The following CSMD2 variants were observed in gnomAD, a reference collection of about 807,000 sequenced individuals.
The protein encoded by CSMD2 is CUB and sushi domain-containing protein 2.
In CSMD2, 130 loss-of-function variants were observed where a neutral mutation model predicts 398.5. The observed-to-expected ratio is 0.33, with a 90% confidence interval of 0.28 to 0.38. The LOEUF (loss-of-function observed/expected upper bound fraction) is 0.38, where lower values mean the gene tolerates loss of function less well. Ranked by LOEUF, CSMD2 falls within the 10% of genes least tolerant of loss-of-function variation. CSMD2 has a pLI of 1.00. For missense variants in CSMD2, 3,829 were observed against 4,764.9 expected, an observed-to-expected ratio of 0.80 and a Z score of 5.78; for synonymous variants, 1,828 against 1,908.5, an observed-to-expected ratio of 0.96 and a Z score of 1.10.
chr1:33,942,943 T>C (rs982080441), intron 3 of CSMD2, among the ~76,000 whole-genome samples: 6 of 152,236 alleles, frequency 3.9e-5, no homozygotes, highest in African/African-American at 1.4e-4. Flanking sequence ...CCTGGACTTC[T>C]GTGCCCAACT....
intron 5 of CSMD2, among the ~76,000 whole-genome samples, chr1:33,862,004 T>C (rs1039096293): frequency 6.6e-6 from 1 of 152,100 alleles, no homozygotes; most frequent in Non-Finnish European, 1.5e-5. Flanking sequence ...GATCCTCTGA[T>C]GTGGCTCATA....
At chr1:33,680,206 A>C (rs1644861064) in intron 25 of CSMD2, among the ~76,000 whole-genome samples, 1 of 96,554 alleles carries the variant, frequency 1.0e-5, no homozygotes, top group Non-Finnish European at 2.0e-5. Context: ...CCTGCTTTTT[A>C]CTTCCATGTG....
At chr1:34,057,178 C>T (rs1358767386) in intron 2 of CSMD2, among the ~76,000 whole-genome samples, 1 of 152,136 alleles carries the variant, frequency 6.6e-6, no homozygotes, top group East Asian at 1.9e-4. Context: ...GAGTCTTGAT[C>T]TCCTCAAGTC....
At chr1:33,977,288 G>A (rs1346938652) in intron 3 of CSMD2, among the ~76,000 whole-genome samples, 2 of 151,976 alleles carry the variant, frequency 1.3e-5, no homozygotes, top group African/African-American at 4.8e-5. Flanking sequence ...GAGTGGGCAA[G>A]AATAGGACCC....
At chr1:33,812,990 C>T (rs1207770001) in intron 9 of CSMD2, 1 of 152,186 alleles carries the variant, frequency 6.6e-6, no homozygotes, top group Non-Finnish European at 1.5e-5. Context: ...CTGATTCCGT[C>T]CCACCTTTGC....
intron 21 of CSMD2, among the ~76,000 whole-genome samples, chr1:33,712,037 T>C (rs542415680): frequency 9.2e-5 from 14 of 152,156 alleles, no homozygotes; most frequent in Non-Finnish European, 1.6e-4. Flanking sequence ...AACAAATAAA[T>C]GTTCCAGAGA....
At chr1:34,037,783 T>C (rs1475388484) in intron 2 of CSMD2, among the ~76,000 whole-genome samples, 1 of 152,154 alleles carries the variant, frequency 6.6e-6, no homozygotes, top group Non-Finnish European at 1.5e-5. Context: ...AAGCAGAAAT[T>C]GTTGATTTTA....
At chr1:33,626,055 C>G (rs142291566) in intron 33 of CSMD2, among the ~76,000 whole-genome samples, 2 of 152,272 alleles carry the variant, frequency 1.3e-5, no homozygotes, top group South Asian at 4.1e-4. Context: ...GAGCCTAGCT[C>G]GAAGGTGGGG....
At chr1:34,028,705 C>T (rs1029804443) in intron 3 of CSMD2, among the ~76,000 whole-genome samples, 1 of 151,504 alleles carries the variant, frequency 6.6e-6, no homozygotes, top group South Asian at 2.1e-4. Flanking sequence ...AATGTCTGTC[C>T]ACAGGGTTGT....
intron 2 of CSMD2, among the ~76,000 whole-genome samples, chr1:34,035,244 T>G (rs1161767698): frequency 6.6e-6 from 1 of 152,060 alleles, no homozygotes; most frequent in African/African-American, 2.4e-5. Flanking sequence ...AAAAGAAATA[T>G]CTAGGCCTAG....
chr1:34,160,400 G>A (rs766247282), intron 1 of CSMD2, among the ~76,000 whole-genome samples: 3 of 152,202 alleles, frequency 2.0e-5, no homozygotes, highest in Admixed American at 6.5e-5. Flanking sequence ...AGAGTGGTAT[G>A]CCAAGGGCTT....
intron 12 of CSMD2, among the ~76,000 whole-genome samples, chr1:33,773,967 T>C (rs927037580): frequency 1.3e-5 from 2 of 152,122 alleles, no homozygotes; most frequent in African/African-American, 4.8e-5. Context: ...CCTACCACAC[T>C]GGGGGCTTCT....
chr1:33,531,183 C>A (rs1038050940), intron 64 of CSMD2, among the ~76,000 whole-genome samples: 1 of 152,126 alleles, frequency 6.6e-6, no homozygotes, highest in African/African-American at 2.4e-5. Context: ...ACAATGTATA[C>A]ATATATCAAA....
Position 33,825,258 on chromosome 1 carries a change from C to T in CSMD2, c.1111+439G>A, listed in dbSNP as rs371626119. On this transcript the variant is annotated intron_variant, in intron 7 of 70. Coordinates refer to ENST00000373381, the MANE Select transcript of CSMD2 (RefSeq NM_001281956.2). ...GGGGCCCTTGGAGGAGGTTACTAGG[C>T]ATTCCCCTGCCTCCCTTTCCCAATC... Among the ~76,000 whole-genome samples, 10 of 152,300 alleles carry T rather than the reference C, an allele frequency of 6.6e-5. No homozygotes were observed. In the East Asian group the frequency reaches 1.9e-3, roughly 30 times the overall value.
intron 20 of CSMD2, 124 bp from the exon 21 acceptor site, chr1:33,714,899 G>A (rs1163966438): frequency 3.3e-6 from 3 of 916,476 alleles, no homozygotes; most frequent in Non-Finnish European, 5.0e-6. Context: ...CAGAGAAGAG[G>A]GCATGCGCAC....
intron 3 of CSMD2, among the ~76,000 whole-genome samples, chr1:33,982,380 T>C (rs546437038): frequency 1.3e-5 from 2 of 152,296 alleles, no homozygotes; most frequent in East Asian, 3.9e-4. Context: ...CCAGACTCTG[T>C]GCTCCAGTCC....
chr1:33,540,439 TG>T, intron 60 of CSMD2, 85 bp downstream of exon 60: 1 of 1,440,262 alleles, frequency 6.9e-7, no homozygotes, highest in Non-Finnish European at 9.6e-7. Context: ...CTACCTATTC[TG>T]GGCCTTCCAG....
chr1:33,711,689 G>A (rs1645995924), intron 21 of CSMD2, among the ~76,000 whole-genome samples: 1 of 152,274 alleles, frequency 6.6e-6, no homozygotes, highest in Admixed American at 6.5e-5. Flanking sequence ...CCTAATTCTC[G>A]ACAGCTGGCT....
At chr1:34,095,437 C>G (rs1659164291) in intron 1 of CSMD2, among the ~76,000 whole-genome samples, 1 of 150,510 alleles carries the variant, frequency 6.6e-6, no homozygotes, top group African/African-American at 2.4e-5. Context: ...AATAGAGACA[C>G]AAAAAACCCT....
Sources: allele counts gnomAD v4.1 joint callset (sites outside exome capture counted in the v4.1 genomes callset), GRCh38; gene constraint gnomAD v4.1.1; transcripts MANE v1.5; gene names NCBI Gene and HGNC (gene_info 2026-07-23, HGNC 2026-07-21).